PTPDC1: variants seen among roughly 807,000 people sequenced by gnomAD.
PTPDC1 encodes protein tyrosine phosphatase domain containing 1.
A neutral mutation model predicts 75.3 loss-of-function variants in PTPDC1; 53 were observed. That is an observed-to-expected ratio of 0.70 (90% CI 0.56 to 0.88). The LOEUF (loss-of-function observed/expected upper bound fraction) is 0.88. PTPDC1 is among the 40% of genes least tolerant of loss of function. The pLI is 0.00. For synonymous variants in PTPDC1, 349 were observed against 366.2 expected (o/e 0.95, Z 0.54); for missense variants, 925 against 998.6 (o/e 0.93, Z 0.99).
chr9:94,106,802 G>A (rs1003885028), intron 8 of PTPDC1, among the ~76,000 whole-genome samples: 1 of 152,168 alleles, frequency 6.6e-6, no homozygotes, highest in African/African-American at 2.4e-5. Context: ...GGGGTTGAGG[G>A]TGGGTACTTG....
chr9:94,032,903 C>G (rs1287029315), intron 1 of PTPDC1, among the ~76,000 whole-genome samples: 1 of 151,968 alleles, frequency 6.6e-6, no homozygotes, highest in Non-Finnish European at 1.5e-5. Context: ...GCTCAGGTGC[C>G]CAGGCTGGAG....
intron 1 of PTPDC1, among the ~76,000 whole-genome samples, chr9:94,053,820 G>A (rs1221063714): frequency 1.3e-5 from 2 of 152,196 alleles, no homozygotes; most frequent in Non-Finnish European, 2.9e-5. Flanking sequence ...AATAAGGATA[G>A]TGCTATTTCT....
chr9:94,097,496 C>T lies in PTPDC1; in HGVS notation c.930C>T (p.Pro310=), dbSNP rs748320934. The change falls in exon 6 of 9, where the codon CCC becomes CCT. Residue 310 remains proline (P), a synonymous_variant. Transcript: ENST00000620992. Reference sequence around the variant, plus strand: ...GCAATATATTCTCTTGCTGTGATCCCAAAGCACATGCTGTCACCTTACCTC... The same window carrying T: ...GCAATATATTCTCTTGCTGTGATCCTAAAGCACATGCTGTCACCTTACCTC... ...PLRNIFSCCD[P]KAHAVTLPQY... is the part of the protein sequence containing the mutation. 1.2e-6 allele frequency: 2 copies of T among 1,614,200 alleles called. No homozygotes were observed. The highest frequency in any genetic ancestry group is 1.7e-5 in the Admixed American group (1 of 60,034).
intron 4 of PTPDC1, among the ~76,000 whole-genome samples, chr9:94,093,528 C>T (rs1827412362): frequency 6.6e-6 from 1 of 150,974 alleles, no homozygotes; most frequent in Non-Finnish European, 1.5e-5. Context: ...TTTTTTCCTT[C>T]ATTTCAACTT....
At chr9:94,041,508 C>T (rs1177825340) in intron 1 of PTPDC1, among the ~76,000 whole-genome samples, 1 of 152,104 alleles carries the variant, frequency 6.6e-6, no homozygotes, top group Non-Finnish European at 1.5e-5. Context: ...CCGTGGTAGA[C>T]CTCCCATGTA....
intron 4 of PTPDC1, among the ~76,000 whole-genome samples, chr9:94,094,674 G>A (rs533486848): frequency 6.6e-6 from 1 of 152,332 alleles, no homozygotes; most frequent in East Asian, 1.9e-4. Flanking sequence ...CCCTCCCCCA[G>A]CCTTGCTGCC....
upstream of PTPDC1, among the ~76,000 whole-genome samples, chr9:94,081,680 C>T (rs911335944): frequency 5.9e-5 from 9 of 152,100 alleles, no homozygotes; most frequent in Admixed American, 3.9e-4. Context: ...GAGGCCAGAG[C>T]TGAGTAGGCT....
chr9:94,065,632 G>A (rs1056878878), intron 2 of PTPDC1, among the ~76,000 whole-genome samples: 4 of 152,132 alleles, frequency 2.6e-5, no homozygotes, highest in African/African-American at 9.7e-5. Flanking sequence ...CTCCACCAGG[G>A]GGCGTTCTCT....
intron 5 of PTPDC1, among the ~76,000 whole-genome samples, chr9:94,095,870 A>G (rs1030983131): frequency 1.3e-5 from 2 of 152,206 alleles, no homozygotes; most frequent in Non-Finnish European, 2.9e-5. Context: ...ATGACCGTAT[A>G]TATATCATTT....
chr9:94,057,195 C>T (rs1825968316), intron 1 of PTPDC1, among the ~76,000 whole-genome samples: 1 of 152,170 alleles, frequency 6.6e-6, no homozygotes, highest in Admixed American at 6.5e-5. Flanking sequence ...CCTCCCACCT[C>T]AGCCTCCCAA....
At chr9:94,064,244 T>C (rs1311907811) in intron 1 of PTPDC1, among the ~76,000 whole-genome samples, 1 of 152,236 alleles carries the variant, frequency 6.6e-6, no homozygotes, top group Non-Finnish European at 1.5e-5. Context: ...TGGGATTAAC[T>C]ACCACCCTAC....
In PTPDC1 at chr9:94,056,381, A is replaced by G. The variant is rs1825938829; in HGVS notation, c.-6-8353A>G. Among the ~76,000 whole-genome samples, 4 of 152,370 alleles carry G rather than the reference A, an allele frequency of 2.6e-5. No individual in the cohort carries two copies. The South Asian group carries it at 8.3e-4, about 32-fold the overall frequency. ...AATTCTTCTGCTACGATTGCTGTCT[A>G]GAATCTAATCACATTGACAATATTT... On this transcript the variant is annotated intron_variant, in intron 1 of 9. Transcript: ENST00000375360.
intron 2 of PTPDC1, among the ~76,000 whole-genome samples, chr9:94,077,916 C>T (rs552076534): frequency 2.3e-4 from 35 of 152,282 alleles, no homozygotes; most frequent in African/African-American, 7.9e-4. Flanking sequence ...CTTGGAGATT[C>T]CAAGGATTTC....
intron 1 of PTPDC1, among the ~76,000 whole-genome samples, chr9:94,064,101 C>T (rs1031330473): frequency 2.0e-5 from 3 of 152,102 alleles, no homozygotes; most frequent in Non-Finnish European, 4.4e-5. Context: ...CATTGAGGTA[C>T]ACTTAGGAAC....
intron 1 of PTPDC1, among the ~76,000 whole-genome samples, chr9:94,054,620 A>G (rs1825880838): frequency 6.6e-6 from 1 of 152,212 alleles, no homozygotes; most frequent in Admixed American, 6.5e-5. Context: ...AAATCAGTAA[A>G]TTATCAATAT....
chr9:94,097,292 A>G (rs199534766), intron 5 of PTPDC1, 29 bp from the exon 6 acceptor site: 2 of 1,415,430 alleles, frequency 1.4e-6, no homozygotes, highest in African/African-American at 2.9e-5. Flanking sequence ...AGCTTTTCTC[A>G]TACCAGTCTT....
intron 1 of PTPDC1, among the ~76,000 whole-genome samples, chr9:94,062,135 ACT>A (rs1826162257): frequency 1.3e-5 from 2 of 152,130 alleles, no homozygotes; most frequent in South Asian, 4.1e-4. Context: ...AATTTCTTCC[ACT>A]AGATACCCTA....
At chr9:94,098,800 C>T (rs780284762) in intron 6 of PTPDC1, 1 of 560,914 alleles carries the variant, frequency 1.8e-6, no homozygotes, top group Non-Finnish European at 3.2e-6. Context: ...CTCAAGAAAG[C>T]ACTTGGTGTG....
chr9:94,104,201 C>T (rs576069265), intron 7 of PTPDC1, 74 bp from the exon 8 acceptor site: 11 of 950,006 alleles, frequency 1.2e-5, no homozygotes, highest in Non-Finnish European at 1.8e-5. Context: ...ATTCTTGACT[C>T]TACGATAGTT....
Sources: gnomAD v4.1 joint callset for allele counts (sites outside exome capture counted in the v4.1 genomes callset) on GRCh38, gnomAD v4.1.1 for gene constraint, MANE v1.5 for transcripts, NCBI Gene and HGNC (gene_info 2026-07-23, HGNC 2026-07-21) for gene names.